The following GTPBP4 variants were observed in gnomAD, a reference collection of about 807,000 sequenced individuals.
GTPBP4 encodes the protein GTP-binding protein 4.
In GTPBP4, 15 loss-of-function variants were observed where a neutral mutation model predicts 81.7. The observed-to-expected ratio is 0.18, with a 90% CI of 0.12 to 0.28. GTPBP4 has a LOEUF of 0.28. Ranked by LOEUF, GTPBP4 falls within the 10% of genes least tolerant of loss-of-function variation. The probability of loss-of-function intolerance (pLI) is 1.00; values close to 1 mark genes in which losing one functional copy is unlikely to be tolerated. For missense variants in GTPBP4, 847 were observed against 793.8 expected, an observed-to-expected ratio of 1.07 and a Z score of -0.81; for synonymous variants, 272 against 274.6, an observed-to-expected ratio of 0.99 and a Z score of 0.09.
chr10:1,019,270 G>A lies in GTPBP4; in HGVS notation c.*2043G>A. ...TTAATCAAACAAGTGCTTATAAAAT[G>A]GAAATTGGGACAAAGGAAATGTTAA... On this transcript the variant is annotated 3_prime_UTR_variant, in exon 17 of 17. Coordinates refer to ENST00000360803, the MANE Select transcript of GTPBP4 (RefSeq NM_012341.3). 2.4e-6 allele frequency: 1 copy of A among 423,418 alleles called. No homozygotes were observed. Among genetic ancestry groups the A allele is most frequent in the Non-Finnish European group, 4.3e-6 (1 of 234,810 alleles). The allele number at this position is 423,418 out of a possible 1,614,324, so 26.2% of individuals were successfully genotyped here.
At chr10:1,004,890 C>T (rs1285454718) in intron 8 of GTPBP4, among the ~76,000 whole-genome samples, 1 of 152,164 alleles carries the variant, frequency 6.6e-6, no homozygotes, top group Non-Finnish European at 1.5e-5. Context: ...CAGTTCCAGT[C>T]CCAAGATGAT....
At position 1,012,595 on chromosome 10, in the gene GTPBP4, A is replaced by G. The variant is rs1196944887; in HGVS notation, c.1475A>G (p.Lys492Arg). 8 of 1,614,028 alleles carry G rather than the reference A, an allele frequency of 5.0e-6. No homozygotes were observed. The African/African-American group carries it at 9.3e-5, about 19-fold the overall frequency. ...QLAKQIREKK[K>R]LKILESKEKN... Reference sequence around the variant, plus strand: ...GCAAAGCAAATTCGAGAGAAAAAGAAGTTGAAAATTCTGGAGTCCAAAGAA... The same window carrying G: ...GCAAAGCAAATTCGAGAGAAAAAGAGGTTGAAAATTCTGGAGTCCAAAGAA... Residue 492 changes from lysine to arginine, a missense_variant, in exon 14 of 17, where the codon AAG becomes AGG. Lys to Arg is a conservative substitution (Grantham distance 26, BLOSUM62 2). This residue lies in a region of GTPBP4 where 600 missense variants were observed against 557.1 expected (regional missense o/e 1.08). Coordinates refer to ENST00000360803, the MANE Select transcript of GTPBP4 (RefSeq NM_012341.3).
chr10:1,019,902 G>A lies in GTPBP4; in HGVS notation c.*2675G>A, dbSNP rs1832061688. The A allele has an allele frequency of 7.1e-6, 8 of 1,121,706 alleles. No individual in the cohort carries two copies. In the Admixed American group the frequency reaches 1.6e-4, roughly 22 times the overall value. The allele number at this position is 1,121,706 out of a possible 1,614,324, so 69.5% of individuals were successfully genotyped here. ...AACACAGAATTTACAGAAAAATAGA[G>A]AAAATAAACACATTTGTTTTCCTCA... On this transcript the variant is annotated 3_prime_UTR_variant, in exon 17 of 17. Transcript: ENST00000360803.
At chr10:990,333 G>C (rs1463998693) in intron 1 of GTPBP4, among the ~76,000 whole-genome samples, 1 of 152,028 alleles carries the variant, frequency 6.6e-6, no homozygotes, top group African/African-American at 2.4e-5. Context: ...GTTCATTCTA[G>C]AAGATGTTGA....
chr10:1,005,590 C>G (rs977239242), intron 8 of GTPBP4, among the ~76,000 whole-genome samples: 10 of 152,124 alleles, frequency 6.6e-5, no homozygotes, highest in Admixed American at 5.9e-4. Flanking sequence ...TTGTGGGGGA[C>G]AGATGTGAGG....
intron 12 of GTPBP4, among the ~76,000 whole-genome samples, chr10:1,010,150 TC>T (rs879790952): frequency 0.28 from 36,222 of 129,944 alleles, 5,288 homozygotes; most frequent in East Asian, 0.44. Context: ...TGGGGTGATT[TC>T]TGTAGCTTTC....
Position 1,017,322 on chromosome 10 carries a change from T to A in GTPBP4, c.*95T>A. ...CATGAAATTGGAGCTCTGTATAAAC[T>A]GAAAAAGACAAAATAAGTAAAGCAC... On this transcript the variant is annotated 3_prime_UTR_variant, in exon 17 of 17. Transcript: ENST00000360803. 2 of 1,136,078 alleles carry A rather than the reference T, an allele frequency of 1.8e-6. No individual in the cohort carries two copies. Among genetic ancestry groups the A allele is most frequent in the Non-Finnish European group, 1.3e-6 (1 of 786,842 alleles). 70.4% of individuals were successfully genotyped at this position (1,136,078 alleles called of 1,614,324 possible).
rs56293050 is a variant in GTPBP4, at chr10:1,002,061, T to C, written c.912+1048T>C. On this transcript the variant is annotated intron_variant, in intron 8 of 16. Coordinates refer to ENST00000360803, the MANE Select transcript of GTPBP4 (RefSeq NM_012341.3). ...GCCTCAGCCTCCTGAGTAGCTGGGATTACAGGCGTGCGCCACCACACCGAG... is the reference window on the plus strand; with the variant it reads ...GCCTCAGCCTCCTGAGTAGCTGGGACTACAGGCGTGCGCCACCACACCGAG... Among the ~76,000 whole-genome samples the C allele has an allele frequency of 1.8e-3, 270 of 152,218 alleles. 1 individual carries two copies. The highest frequency in any genetic ancestry group is 3.4e-3 in the Middle Eastern group (1 of 294).
At chr10:994,907 A>G (rs1831511977) in intron 2 of GTPBP4, among the ~76,000 whole-genome samples, 1 of 152,138 alleles carries the variant, frequency 6.6e-6, no homozygotes, top group South Asian at 2.1e-4. Context: ...TCTGGTGGAG[A>G]AAAGATAGTA....
chr10:996,296 T>C (rs1831537478), intron 4 of GTPBP4, 54 bp downstream of exon 4: 2 of 1,510,992 alleles, frequency 1.3e-6, no homozygotes, highest in Non-Finnish European at 1.8e-6. Flanking sequence ...AGAGGATGCG[T>C]CCTTGTTGAG....
At chr10:998,961 C>T (rs763653035) in intron 5 of GTPBP4, 42 bp from the exon 6 acceptor site, 1 of 1,059,896 alleles carries the variant, frequency 9.4e-7, no homozygotes, top group Non-Finnish European at 1.5e-6. Context: ...CACGTGTACA[C>T]AGAGGAAATG....
intron 14 of GTPBP4, among the ~76,000 whole-genome samples, chr10:1,013,274 A>G (rs1831914245): frequency 6.8e-6 from 1 of 146,110 alleles, no homozygotes; most frequent in African/African-American, 2.5e-5. Flanking sequence ...GTGAGCCACC[A>G]CGCCCGGCTG....
At chr10:997,139 T>C in intron 4 of GTPBP4, 69 bp from the exon 5 acceptor site, 1 of 976,876 alleles carries the variant, frequency 1.0e-6, no homozygotes, top group Non-Finnish European at 1.7e-6. Flanking sequence ...TGTAACTAAG[T>C]TGAAAAGAAA....
At chr10:1,005,790 A>T in intron 8 of GTPBP4, 28 bp from the exon 9 acceptor site, 1 of 1,241,568 alleles carries the variant, frequency 8.1e-7, no homozygotes, top group Non-Finnish European at 1.2e-6. Context: ...TGAATAATAC[A>T]TCTCTCGTTT....
chr10:1,015,447 G>GAGCA (rs1831964583), intron 15 of GTPBP4, among the ~76,000 whole-genome samples: 2 of 9,668 alleles, frequency 2.1e-4, no homozygotes, highest in African/African-American at 5.0e-4. Flanking sequence ...GGTCCTGAGC[G>GAGCA]CTGAGCCTGG....
chr10:1,011,418 G>C lies in GTPBP4; in HGVS notation c.1344+898G>C, dbSNP rs73590182. Reference sequence around the variant, plus strand: ...CCTGCCTTCTTCTCTCAGCTGAGCTGTCTGAAACATGCTAACATGCTTATA... The same window carrying C: ...CCTGCCTTCTTCTCTCAGCTGAGCTCTCTGAAACATGCTAACATGCTTATA... On this transcript the variant is annotated intron_variant, in intron 13 of 16. Transcript: ENST00000360803. 8.1e-3 allele frequency among the ~76,000 whole-genome samples: 401 copies of C among 49,210 alleles called. 7 individuals carry two copies. The highest frequency in any genetic ancestry group is 0.013 in the East Asian group (17 of 1,338). The allele number at this position is 49,210 out of a possible 152,430, so 32.3% of individuals were successfully genotyped here.
chr10:1,001,550 C>A lies in GTPBP4; in HGVS notation c.912+537C>A, dbSNP rs139437798. 6.5e-3 allele frequency among the ~76,000 whole-genome samples: 994 copies of A among 152,302 alleles called. 6 individuals are homozygous for A. Among genetic ancestry groups the A allele is most frequent in the Admixed American group, 0.015 (223 of 15,304 alleles). The stretch of plus-strand genomic sequence containing the variant: ...CCTTCATGATAAATGCTTTTAGAAG[C>A]GTGCACTGGTGGAGTGGCTTTCAAA... On this transcript the variant is annotated intron_variant, in intron 8 of 16. Coordinates refer to ENST00000360803, the MANE Select transcript of GTPBP4 (RefSeq NM_012341.3).
At chr10:995,305 T>C (rs1475623190) in intron 2 of GTPBP4, among the ~76,000 whole-genome samples, 1 of 151,932 alleles carries the variant, frequency 6.6e-6, no homozygotes, top group Non-Finnish European at 1.5e-5. Flanking sequence ...ACCTAGAAGC[T>C]GTGAGGAAAA....
intron 2 of GTPBP4, among the ~76,000 whole-genome samples, chr10:994,480 A>G (rs759589599): frequency 2.6e-5 from 4 of 152,024 alleles, no homozygotes; most frequent in Non-Finnish European, 5.9e-5. Flanking sequence ...CATGTTGGCC[A>G]GGCTGGTCTC....
Sources: allele counts gnomAD v4.1 joint callset (sites outside exome capture counted in the v4.1 genomes callset), GRCh38; gene constraint gnomAD v4.1.1; regional missense constraint gnomAD v4.1.1; transcripts MANE v1.5; gene names NCBI Gene and HGNC (gene_info 2026-07-23, HGNC 2026-07-21).